Variants in RNF6 observed in about 807,000 individuals in gnomAD.
RNF6 encodes the protein ring finger protein 6, also known as E3 ubiquitin-protein ligase RNF6.
In RNF6, 21 loss-of-function variants were observed where a neutral mutation model predicts 50.1. The observed-to-expected ratio is 0.42, with a 90% CI of 0.30 to 0.60. The LOEUF is 0.60. RNF6 is among the 20% of genes least tolerant of loss of function. The probability of loss-of-function intolerance (pLI) is 0.20; values close to 1 mark genes in which losing one functional copy is unlikely to be tolerated. For missense variants in RNF6, 698 were observed against 838.2 expected (o/e 0.83, Z 2.07); for synonymous variants, 255 against 291.8 (o/e 0.87, Z 1.29).
intron 5 of RNF6, among the ~76,000 whole-genome samples, chr13:26,170,583 T>G (rs1456485328): frequency 6.6e-6 from 1 of 152,176 alleles, no homozygotes. Flanking sequence ...AGTGTGATCT[T>G]GAAAATTATC....
chr13:26,164,909 T>C (rs781213132), intron 5 of RNF6, among the ~76,000 whole-genome samples: 9 of 152,112 alleles, frequency 5.9e-5, no homozygotes, highest in Non-Finnish European at 8.8e-5. Flanking sequence ...GAAAAGAAAA[T>C]GCCATTTTCG....
intron 5 of RNF6, among the ~76,000 whole-genome samples, chr13:26,153,010 G>A (rs879349024): frequency 4.0e-5 from 6 of 151,882 alleles, no homozygotes; most frequent in South Asian, 4.2e-4. Context: ...AAAATGCGCC[G>A]GGTGTGGTGG....
chr13:26,175,820 C>T (rs1872930737), intron 5 of RNF6, among the ~76,000 whole-genome samples: 1 of 152,124 alleles, frequency 6.6e-6, no homozygotes, highest in African/African-American at 2.4e-5. Context: ...TGAAAATGCA[C>T]ATGGAAAACA....
chr13:26,217,128 G>A (rs1869964740), intron 4 of RNF6, among the ~76,000 whole-genome samples: 1 of 152,084 alleles, frequency 6.6e-6, no homozygotes, highest in Non-Finnish European at 1.5e-5. Context: ...GAGATGATGA[G>A]CTATTTTATA....
downstream of RNF6, among the ~76,000 whole-genome samples, chr13:26,211,460 C>G (rs963400000): frequency 6.6e-6 from 1 of 152,078 alleles, no homozygotes; most frequent in Admixed American, 6.6e-5. Context: ...AGGAATATCC[C>G]ATATAAGAAA....
At position 26,219,582 on chromosome 13, in the gene RNF6, T is replaced by C; in HGVS notation, c.68A>G (p.His23Arg). The change falls in exon 3 of 5, where the codon CAT becomes CGT. Residue 23 changes from histidine to arginine, a missense_variant. Transcript: ENST00000381588. ...EETLPQDHNH[H>R]ENERRWQQER... ...TTGCTGCCATCTTCTCTCATTTTCA[T>C]GATGATTATGGTCTTGAGGTAAGGT... The C allele has an allele frequency of 6.2e-7, 1 of 1,614,050 alleles. No individual in the cohort carries two copies. The highest frequency in any genetic ancestry group is 1.3e-5 in the African/African-American group (1 of 75,052).
At chr13:26,212,235 G>A (rs1278702845), downstream of RNF6, among the ~76,000 whole-genome samples, 1 of 152,068 alleles carries the variant, frequency 6.6e-6, no homozygotes, top group African/African-American at 2.4e-5. Flanking sequence ...ATCTCTATAA[G>A]GTAAGATAAA....
At chr13:26,164,448 C>T (rs76470452) in intron 5 of RNF6, among the ~76,000 whole-genome samples, 1,766 of 152,124 alleles carry the variant, frequency 0.012, 30 homozygotes, top group African/African-American at 0.039. Context: ...TCTCCATTGT[C>T]CCCTTTTTTA....
In RNF6 at chr13:26,167,758, T is replaced by C. The variant is rs185160647; in HGVS notation, n.769-35307A>G. 2.0e-5 allele frequency among the ~76,000 whole-genome samples: 3 copies of C among 152,332 alleles called. No homozygotes were observed. In the East Asian group the frequency reaches 5.8e-4, roughly 29 times the overall value. ...AAAGACACATGCACACATACGCTCA[T>C]TGCAGCACTATTCATAATAGCAAAG... On this transcript the variant is annotated intron_variant and non_coding_transcript_variant, in intron 5 of 5. Coordinates refer to the RNF6 transcript ENST00000468480.
At chr13:26,144,672 G>A (rs1005596108) in intron 5 of RNF6, among the ~76,000 whole-genome samples, 3 of 152,178 alleles carry the variant, frequency 2.0e-5, no homozygotes, top group Non-Finnish European at 2.9e-5. Context: ...CACACATTCA[G>A]GTATTGTCTC....
In RNF6 at chr13:26,217,360, G is replaced by A. The variant is rs140115641; in HGVS notation, c.289+1151C>T. ...TTTGATTAAGTGTAGTGATGATGGT[G>A]CATGTGAAAGAGTTTGCCAAGTACC... On this transcript the variant is annotated intron_variant, in intron 4 of 4. Coordinates refer to ENST00000381588, the MANE Select transcript of RNF6 (RefSeq NM_005977.4). 3.0e-3 allele frequency among the ~76,000 whole-genome samples: 454 copies of A among 152,342 alleles called. 2 individuals are homozygous for A. The highest frequency in any genetic ancestry group is 4.3e-3 in the Non-Finnish European group (295 of 68,034).
chr13:26,135,015 C>CT (rs1229080339), intron 5 of RNF6, among the ~76,000 whole-genome samples: 4 of 151,902 alleles, frequency 2.6e-5, no homozygotes, highest in African/African-American at 9.7e-5. Flanking sequence ...AAATCAGAGG[C>CT]TTTTTTACTA....
intron 5 of RNF6, among the ~76,000 whole-genome samples, chr13:26,132,815 A>G (rs1384523355): frequency 6.6e-6 from 1 of 152,246 alleles, no homozygotes; most frequent in Non-Finnish European, 1.5e-5. Context: ...GCAAGGATTT[A>G]GAACAGTGGT....
At chr13:26,211,964 AAAC>A (rs1458841515), downstream of RNF6, among the ~76,000 whole-genome samples, 2 of 152,328 alleles carry the variant, frequency 1.3e-5, no homozygotes, top group Non-Finnish European at 2.9e-5. Flanking sequence ...ACTAGAGACC[AAAC>A]AACGTCTTTT....
rs143727917 is a variant in RNF6 at position 26,132,930 on chromosome 13, G to GC, written n.769-480_769-479insG. On this transcript the variant is annotated intron_variant and non_coding_transcript_variant, in intron 5 of 5. Transcript: ENST00000468480. ...TTCTTTGGTGGTTCTGCGGTGGGGGGTGCCAGAATTTGCATTTCTAACAGT... is the reference window on the plus strand; with the variant it reads ...TTCTTTGGTGGTTCTGCGGTGGGGGGCTGCCAGAATTTGCATTTCTAACAGT... 6.3e-4 allele frequency among the ~76,000 whole-genome samples: 96 copies of GC among 152,140 alleles called. 1 individual carries two copies. The highest frequency in any genetic ancestry group is 4.5e-3 in the Admixed American group (69 of 15,292).
intron 5 of RNF6, among the ~76,000 whole-genome samples, chr13:26,206,455 G>A (rs1310198773): frequency 2.3e-4 from 35 of 152,220 alleles, no homozygotes; most frequent in Admixed American, 2.3e-3. Context: ...AACTTGAACT[G>A]TTGAAGAACT....
At chr13:26,168,673 A>T (rs1016311312) in intron 5 of RNF6, among the ~76,000 whole-genome samples, 6 of 152,206 alleles carry the variant, frequency 3.9e-5, no homozygotes, top group Non-Finnish European at 8.8e-5. Context: ...AAATGAGTAG[A>T]TCCTGCAGCA....
At chr13:26,192,344 G>A (rs1414961249) in intron 5 of RNF6, among the ~76,000 whole-genome samples, 1 of 152,140 alleles carries the variant, frequency 6.6e-6, no homozygotes, top group African/African-American at 2.4e-5. Context: ...TATATTGAAG[G>A]CAAAGCCAAT....
chr13:26,154,428 A>C (rs542761865), intron 5 of RNF6, among the ~76,000 whole-genome samples: 1 of 152,340 alleles, frequency 6.6e-6, no homozygotes, highest in Non-Finnish European at 1.5e-5. Context: ...AACATGGAAA[A>C]CCAGAGATCA....
Sources: allele counts gnomAD v4.1 joint callset (sites outside exome capture counted in the v4.1 genomes callset), GRCh38; gene constraint gnomAD v4.1.1; transcripts MANE v1.5; gene names NCBI Gene and HGNC (gene_info 2026-07-23, HGNC 2026-07-21).